SLC22A4: variants seen among roughly 807,000 people sequenced by gnomAD.
The protein encoded by SLC22A4 is ET transporter.
Under a neutral mutation model 56.6 loss-of-function variants are expected in SLC22A4, and 39 were observed. The ratio of observed to expected loss-of-function variants is 0.69; its 90% CI spans 0.53 to 0.90. SLC22A4 has a LOEUF of 0.90. SLC22A4 is among the 40% of genes least tolerant of loss of function. The probability of loss-of-function intolerance (pLI) is 0.00; values close to 1 mark genes in which losing one functional copy is unlikely to be tolerated. For synonymous variants in SLC22A4, 241 were observed against 281.4 expected (o/e 0.86, Z 1.44); for missense variants, 594 against 696.5 (o/e 0.85, Z 1.66).
intron 6 of SLC22A4, 101 bp downstream of exon 6, chr5:132,331,951 G>A: frequency 1.2e-6 from 1 of 804,264 alleles, no homozygotes; most frequent in South Asian, 1.4e-5. Context: ...GGGTTTTCCT[G>A]AGGAAAAATT....
intron 3 of SLC22A4, among the ~76,000 whole-genome samples, chr5:132,316,292 G>C (rs1750354688): frequency 1.3e-5 from 2 of 152,102 alleles, no homozygotes. Context: ...GAGAAAGAAA[G>C]AACAGTGCTA....
At chr5:132,327,728 T>C (rs976354969) in intron 5 of SLC22A4, among the ~76,000 whole-genome samples, 3 of 152,244 alleles carry the variant, frequency 2.0e-5, no homozygotes, top group African/African-American at 7.2e-5. Flanking sequence ...GATTTTTAAA[T>C]GTCCAGATTA....
chr5:132,309,069 G>A (rs1750114181), intron 1 of SLC22A4, among the ~76,000 whole-genome samples: 1 of 152,210 alleles, frequency 6.6e-6, no homozygotes, highest in South Asian at 2.1e-4. Context: ...GCCCTGGCTA[G>A]CGGAGACCCA....
Position 132,294,441 on chromosome 5 carries a change from A to G in SLC22A4, c.-176A>G, listed in dbSNP as rs972858731. Reference sequence around the variant, plus strand: ...CAGCGCGAGCTCCCGGGAACGCTCCAACGCCTTCAGCCTGTTTCCCAGGAA... The same window carrying G: ...CAGCGCGAGCTCCCGGGAACGCTCCGACGCCTTCAGCCTGTTTCCCAGGAA... On this transcript the variant is annotated 5_prime_UTR_variant, in exon 1 of 10. Coordinates refer to ENST00000200652, the MANE Select transcript of SLC22A4 (RefSeq NM_003059.3). The surrounding 1 kb of genome is among the most constrained non-coding windows in gnomAD (Gnocchi z 5.6). 1 of 811,806 alleles carries G rather than the reference A, an allele frequency of 1.2e-6. No individual in the cohort carries two copies. Among genetic ancestry groups the G allele is most frequent in the Non-Finnish European group, 2.0e-6 (1 of 509,260 alleles). The allele number at this position is 811,806 out of a possible 1,614,324, so 50.3% of individuals were successfully genotyped here. A position where few individuals can be genotyped will look rare whatever the true frequency, so the allele number is the denominator to read the frequency against.
chr5:132,319,926 T>C (rs1315712598), intron 3 of SLC22A4, among the ~76,000 whole-genome samples: 1 of 152,048 alleles, frequency 6.6e-6, no homozygotes, highest in Non-Finnish European at 1.5e-5. Context: ...GTGTGAAGGG[T>C]CAAAGAGATA....
intron 8 of SLC22A4, among the ~76,000 whole-genome samples, chr5:132,339,688 C>T (rs1751146401): frequency 6.6e-6 from 1 of 152,156 alleles, no homozygotes; most frequent in South Asian, 2.1e-4. Context: ...TCAAACTATG[C>T]TCAGATGGTC....
chr5:132,320,281 A>G (rs1750493014), intron 3 of SLC22A4, among the ~76,000 whole-genome samples: 1 of 152,212 alleles, frequency 6.6e-6, no homozygotes, highest in African/African-American at 2.4e-5. Context: ...TGGCCTCACA[A>G]TTCTACAAGA....
rs1231488292 is a variant in SLC22A4, at chr5:132,294,744, CGGG to C, written c.130_132del (p.Gly44del). ...AATGGTATGTCAGTCGTGTTCCTGG[CGGG>C]GACCCCGGAGCACCGCTGTCGAGTG... On this transcript the variant is annotated inframe_deletion, in exon 1 of 10. Coordinates refer to ENST00000200652, the MANE Select transcript of SLC22A4 (RefSeq NM_003059.3). This position sits in a 1 kb window ranked among gnomAD's most constrained non-coding sequence, Gnocchi z 5.6. The C allele has an allele frequency of 6.2e-7, 1 of 1,613,814 alleles. No homozygotes were observed. The highest frequency in any genetic ancestry group is 8.5e-7 in the Non-Finnish European group (1 of 1,180,044).
In SLC22A4 at chr5:132,331,640, A is replaced by C. The variant is rs1018078103; in HGVS notation, c.952-116A>C. The C allele has an allele frequency of 1.3e-5, 10 of 794,330 alleles. No individual in the cohort carries two copies. In the Admixed American group the frequency reaches 1.6e-4, roughly 12 times the overall value. The allele number at this position is 794,330 out of a possible 1,614,324, so 49.2% of individuals were successfully genotyped here. Reference sequence around the variant, plus strand: ...ATTGCCTCCAATCACCAGACTTCTAAGCATAGTCAAGGTGAAGTGAGAGTT... The same window carrying C: ...ATTGCCTCCAATCACCAGACTTCTACGCATAGTCAAGGTGAAGTGAGAGTT... On this transcript the variant is annotated intron_variant, in intron 5 of 9. Coordinates refer to ENST00000200652, the MANE Select transcript of SLC22A4 (RefSeq NM_003059.3).
At position 132,340,583 on chromosome 5, in the gene SLC22A4, T is replaced by C. The variant is rs1561550111; in HGVS notation, c.1463T>C (p.Leu488Pro). The change falls in exon 9 of 10, where the codon CTG (leucine) becomes CCG (proline). Residue 488 changes from leucine to proline, a missense_variant. Transcript: ENST00000200652. ...FVYLGAYNRM[L>P]PYIVMGSLTV... ...TTTACAGGTGCTTACAACAGAATGC[T>C]GCCCTACATCGTCATGGGTAGTCTG... The C allele has an allele frequency of 6.2e-7, 1 of 1,614,094 alleles. No homozygotes were observed. The highest frequency in any genetic ancestry group is 8.5e-7 in the Non-Finnish European group (1 of 1,179,928).
chr5:132,342,551 G>A (rs1024867389), intron 9 of SLC22A4, among the ~76,000 whole-genome samples: 1 of 152,168 alleles, frequency 6.6e-6, no homozygotes, highest in African/African-American at 2.4e-5. Context: ...TAAAGACTCA[G>A]TCCCACAATA....
intron 9 of SLC22A4, among the ~76,000 whole-genome samples, chr5:132,342,068 A>G (rs1029434641): frequency 2.6e-5 from 4 of 152,232 alleles, no homozygotes; most frequent in Non-Finnish European, 5.9e-5. Flanking sequence ...GATCTTACTG[A>G]GCATAACATA....
chr5:132,308,068 T>G (rs1478223324), intron 1 of SLC22A4, among the ~76,000 whole-genome samples: 2 of 152,234 alleles, frequency 1.3e-5, no homozygotes, highest in African/African-American at 4.8e-5. Context: ...GTGCAAACAC[T>G]AGTCATCTAA....
intron 9 of SLC22A4, among the ~76,000 whole-genome samples, chr5:132,341,004 C>T (rs1324207267): frequency 7.1e-6 from 1 of 141,282 alleles, no homozygotes; most frequent in Non-Finnish European, 1.5e-5. Flanking sequence ...GTAATCCCAG[C>T]TACTCAGGAG....
At chr5:132,320,141 A>G (rs553230947) in intron 3 of SLC22A4, among the ~76,000 whole-genome samples, 1 of 152,224 alleles carries the variant, frequency 6.6e-6, no homozygotes, top group South Asian at 2.1e-4. Context: ...TCTGTCCCCA[A>G]CATGCACTCT....
At chr5:132,301,827 T>G (rs1229198671) in intron 1 of SLC22A4, among the ~76,000 whole-genome samples, 1 of 152,150 alleles carries the variant, frequency 6.6e-6, no homozygotes, top group East Asian at 1.9e-4. Context: ...TTTGTGGAGT[T>G]TCTATCAGGC....
chr5:132,337,280 T>C (rs1355025872), intron 8 of SLC22A4, among the ~76,000 whole-genome samples: 7 of 149,758 alleles, frequency 4.7e-5, no homozygotes, highest in African/African-American at 1.7e-4. Context: ...TTTTTTTTTT[T>C]TTTTTTTTTT....
chr5:132,302,787 C>T (rs1749934338), intron 1 of SLC22A4, among the ~76,000 whole-genome samples: 1 of 152,218 alleles, frequency 6.6e-6, no homozygotes, highest in Non-Finnish European at 1.5e-5. Context: ...GACCCTTCTC[C>T]TTCCCACAGC....
At chr5:132,343,126 C>T (rs1283176087) in intron 9 of SLC22A4, among the ~76,000 whole-genome samples, 1 of 152,182 alleles carries the variant, frequency 6.6e-6, no homozygotes. Context: ...ATGTTAGGAG[C>T]CAGGGACAAA....
Sources: gnomAD v4.1 joint callset for allele counts (sites outside exome capture counted in the v4.1 genomes callset) on GRCh38, gnomAD v4.1.1 for gene constraint, Gnocchi (gnomAD v3.1) non-coding constraint, MANE v1.5 for transcripts, NCBI Gene and HGNC (gene_info 2026-07-23, HGNC 2026-07-21) for gene names.